ELMO1: variants seen among roughly 807,000 people sequenced by gnomAD.
The protein encoded by ELMO1 is engulfment and cell motility 1, also known as engulfment and cell motility protein 1.
ELMO1 carries 26 observed loss-of-function variants against 98.9 expected under a neutral mutation model. That is an observed-to-expected ratio of 0.26 (90% confidence interval 0.19 to 0.36). The LOEUF (loss-of-function observed/expected upper bound fraction) is 0.36. ELMO1 is among the 10% of genes least tolerant of loss of function. The pLI, the probability that ELMO1 is intolerant of heterozygous loss-of-function variation, is 1.00. For missense variants in ELMO1, 627 were observed against 935.2 expected (o/e 0.67, Z 4.30); for synonymous variants, 346 against 346.0 (o/e 1.00, Z 0.00).
At chr7:36,953,208 C>A (rs1329331089) in intron 16 of ELMO1, among the ~76,000 whole-genome samples, 3 of 152,002 alleles carry the variant, frequency 2.0e-5, no homozygotes, top group Non-Finnish European at 4.4e-5. Context: ...CATCGTGGAT[C>A]CACCCACCTC....
chr7:37,176,329 C>T (rs111926192), intron 13 of ELMO1, among the ~76,000 whole-genome samples: 1 of 152,124 alleles, frequency 6.6e-6, no homozygotes, highest in African/African-American at 2.4e-5. Flanking sequence ...TGACAAAGTA[C>T]TTTCTTATAA....
intron 16 of ELMO1, among the ~76,000 whole-genome samples, chr7:36,925,202 T>G (rs759525640): frequency 2.0e-5 from 3 of 152,236 alleles, no homozygotes; most frequent in Non-Finnish European, 4.4e-5. Flanking sequence ...CAAGGCTGCA[T>G]CTGAAGACAA....
In ELMO1 at chr7:37,210,092, A is replaced by G. The variant is rs367600563; in HGVS notation, c.1086+1294T>C. ...TTAAGAAACACTACTGGAGAGAGTT[A>G]AAAAAAAAATGAACACTGCTGGTTA... is the stretch of plus-strand genomic sequence containing the variant. On this transcript the variant is annotated intron_variant, in intron 13 of 21. Transcript: ENST00000310758. 4.2e-5 allele frequency among the ~76,000 whole-genome samples: 6 copies of G among 143,314 alleles called. No individual in the cohort carries two copies. In the South Asian group the frequency reaches 1.3e-3, roughly 30 times the overall value. 94.0% of individuals were successfully genotyped at this position (143,314 alleles called of 152,430 possible).
intron 4 of ELMO1, among the ~76,000 whole-genome samples, chr7:37,296,507 C>T (rs543860278): frequency 1.3e-5 from 2 of 152,220 alleles, no homozygotes; most frequent in Admixed American, 6.5e-5. Context: ...CTTAATGACA[C>T]CTACAAAATC....
chr7:37,060,873 G>A (rs1396985060), intron 15 of ELMO1, among the ~76,000 whole-genome samples: 3 of 149,704 alleles, frequency 2.0e-5, no homozygotes, highest in Admixed American at 6.6e-5. Flanking sequence ...CTAGGGAGGA[G>A]GGAGGCACAG....
At chr7:37,311,161 A>G (rs918786160) in intron 4 of ELMO1, among the ~76,000 whole-genome samples, 3 of 149,540 alleles carry the variant, frequency 2.0e-5, no homozygotes, top group Admixed American at 1.3e-4. Flanking sequence ...CACTGCACCA[A>G]AAAAAAACCT....
intron 16 of ELMO1, among the ~76,000 whole-genome samples, chr7:36,948,497 C>T (rs761223231): frequency 7.9e-5 from 12 of 152,174 alleles, no homozygotes; most frequent in Non-Finnish European, 1.6e-4. Flanking sequence ...AACTGAGGTT[C>T]AGAAAAATTA....
At chr7:37,172,446 A>G (rs979638807) in intron 13 of ELMO1, among the ~76,000 whole-genome samples, 2 of 152,226 alleles carry the variant, frequency 1.3e-5, no homozygotes, top group African/African-American at 4.8e-5. Flanking sequence ...TAAGTGAGAC[A>G]TTTCAAGACA....
At chr7:37,275,062 GGAT>G (rs1164346408) in intron 4 of ELMO1, among the ~76,000 whole-genome samples, 2 of 152,252 alleles carry the variant, frequency 1.3e-5, no homozygotes, top group African/African-American at 4.8e-5. Flanking sequence ...TCATGGAGGA[GGAT>G]GAGAGGACTC....
chr7:37,069,277 C>A (rs1024100100), intron 15 of ELMO1, among the ~76,000 whole-genome samples: 2 of 152,296 alleles, frequency 1.3e-5, no homozygotes. Flanking sequence ...CTACACCTTA[C>A]AAGTCTGGTC....
At chr7:37,069,521 A>G (rs1054096832) in intron 15 of ELMO1, among the ~76,000 whole-genome samples, 4 of 152,210 alleles carry the variant, frequency 2.6e-5, no homozygotes, top group Non-Finnish European at 5.9e-5. Context: ...AATTCCCTAG[A>G]AGAGAAATTC....
intron 6 of ELMO1, among the ~76,000 whole-genome samples, chr7:37,258,478 C>T (rs932519095): frequency 1.3e-5 from 2 of 151,864 alleles, no homozygotes; most frequent in African/African-American, 2.4e-5. Flanking sequence ...ATAATGGGTC[C>T]GCCCTCTAGA....
intron 2 of ELMO1, among the ~76,000 whole-genome samples, chr7:37,322,627 A>C (rs1481117118): frequency 6.6e-6 from 1 of 151,674 alleles, no homozygotes; most frequent in Non-Finnish European, 1.5e-5. Context: ...CTCTCCAAAA[A>C]AAAAAAAAAA....
chr7:36,861,820 G>T, intron 20 of ELMO1, 84 bp from the exon 21 acceptor site: 1 of 1,323,138 alleles, frequency 7.6e-7, no homozygotes, highest in South Asian at 1.2e-5. Context: ...CATTGACCAT[G>T]GCATAGGGCC....
chr7:37,071,246 AAG>A (rs1562981418), intron 15 of ELMO1, among the ~76,000 whole-genome samples: 1 of 152,184 alleles, frequency 6.6e-6, no homozygotes, highest in Non-Finnish European at 1.5e-5. Flanking sequence ...TGAGTGGAAG[AAG>A]AGAGACACAA....
At chr7:37,047,445 C>T (rs1795859061) in intron 15 of ELMO1, among the ~76,000 whole-genome samples, 1 of 152,214 alleles carries the variant, frequency 6.6e-6, no homozygotes, top group Non-Finnish European at 1.5e-5. Flanking sequence ...CTCATTTCGG[C>T]TTACAAGCAC....
chr7:37,005,081 C>A (rs1217241435), intron 16 of ELMO1, among the ~76,000 whole-genome samples: 1 of 137,730 alleles, frequency 7.3e-6, no homozygotes, highest in Non-Finnish European at 1.5e-5. Context: ...CGCACTCCAG[C>A]CTGGCAACAG....
chr7:36,966,354 T>A (rs1272834000), intron 16 of ELMO1, among the ~76,000 whole-genome samples: 1 of 152,210 alleles, frequency 6.6e-6, no homozygotes, highest in African/African-American at 2.4e-5. Context: ...ATATTTGGAA[T>A]CCTTTGTGTA....
intron 5 of ELMO1, among the ~76,000 whole-genome samples, chr7:37,263,576 T>G (rs2541085): frequency 0.32 from 48,500 of 151,944 alleles, 7,833 homozygotes; most frequent in Middle Eastern, 0.43. Flanking sequence ...GATGGCTTCT[T>G]TAGATGGAGT....
Sources: allele counts gnomAD v4.1 joint callset (sites outside exome capture counted in the v4.1 genomes callset), GRCh38; gene constraint gnomAD v4.1.1; transcripts MANE v1.5; gene names NCBI Gene and HGNC (gene_info 2026-07-23, HGNC 2026-07-21).